Variants in GCM1 observed in about 807,000 individuals in gnomAD.
GCM1 encodes the protein GCM transcription factor 1, also known as chorion-specific transcription factor GCMa.
GCM1 carries 2 observed loss-of-function variants against 25.7 expected under a neutral mutation model. That is an observed-to-expected ratio of 0.08 (90% CI 0.03 to 0.24). The LOEUF is 0.24. GCM1 is among the 10% of genes least tolerant of loss of function. GCM1 has a pLI of 1.00. For synonymous variants in GCM1, 183 were observed against 195.7 expected (o/e 0.94, Z 0.54); for missense variants, 395 against 538.7 (o/e 0.73, Z 2.64).
At chr6:53,145,047 C>T (rs564309491) in intron 2 of GCM1, among the ~76,000 whole-genome samples, 1 of 150,780 alleles carries the variant, frequency 6.6e-6, no homozygotes, top group African/African-American at 2.4e-5. Context: ...GAAGGCAAGG[C>T]AAGGCGAAGG....
In GCM1 at chr6:53,134,381, C is replaced by T; in HGVS notation, c.76-57G>A. 4 of 1,549,692 alleles carry T rather than the reference C, an allele frequency of 2.6e-6. No individual in the cohort carries two copies. The Admixed American group carries it at 6.8e-5, about 26-fold the overall frequency. On this transcript the variant is annotated intron_variant, in intron 2 of 5. Coordinates refer to ENST00000259803, the MANE Select transcript of GCM1 (RefSeq NM_003643.4). ...TTAAGCTAGAAAACACAGCTGTCAC[C>T]CACTGTGGAGTGAGTAGATAGGAAG... is the stretch of plus-strand genomic sequence containing the variant.
intron 2 of GCM1, among the ~76,000 whole-genome samples, chr6:53,139,321 C>T (rs1763841866): frequency 6.6e-6 from 1 of 151,788 alleles, no homozygotes; most frequent in Non-Finnish European, 1.5e-5. Flanking sequence ...CAAGTGTTAC[C>T]AAGGAAAAAA....
chr6:53,148,645 A>C (rs538317608), intron 1 of GCM1, 109 bp downstream of exon 1: 3 of 152,328 alleles, frequency 2.0e-5, no homozygotes, highest in Non-Finnish European at 4.4e-5. Flanking sequence ...TTCAATTTTC[A>C]TCATTTCTAC....
intron 2 of GCM1, among the ~76,000 whole-genome samples, chr6:53,141,737 T>C (rs1248398983): frequency 6.7e-6 from 1 of 149,126 alleles, no homozygotes; most frequent in East Asian, 2.0e-4. Flanking sequence ...GGTGCAATGG[T>C]TCATGCCTGT....
chr6:53,135,517 C>T (rs1763785367), intron 2 of GCM1, among the ~76,000 whole-genome samples: 1 of 152,230 alleles, frequency 6.6e-6, no homozygotes, highest in African/African-American at 2.4e-5. Context: ...TTGTTAGTCA[C>T]TGATGCTGTG....
chr6:53,129,874 T>C (rs1763700345), intron 5 of GCM1, among the ~76,000 whole-genome samples: 1 of 152,140 alleles, frequency 6.6e-6, no homozygotes, highest in Non-Finnish European at 1.5e-5. Context: ...GGAGGAGGTA[T>C]ATTGTTCTTT....
chr6:53,142,870 C>CAAAAAAAAAA (rs60718730), intron 2 of GCM1, among the ~76,000 whole-genome samples: 12 of 37,536 alleles, frequency 3.2e-4, no homozygotes, highest in South Asian at 1.3e-3. Context: ...CAAGGATCTC[C>CAAAAAAAAAA]AAAAAAAAAA....
At chr6:53,142,239 T>C (rs1164837005) in intron 2 of GCM1, among the ~76,000 whole-genome samples, 2 of 152,106 alleles carry the variant, frequency 1.3e-5, no homozygotes, top group Non-Finnish European at 2.9e-5. Context: ...GAGAAATTTA[T>C]AATCATAACA....
chr6:53,133,959 A>G (rs1168162257), intron 3 of GCM1, 113 bp downstream of exon 3: 6 of 1,054,984 alleles, frequency 5.7e-6, no homozygotes, highest in Non-Finnish European at 6.9e-6. Flanking sequence ...GGCTGCCACT[A>G]CACTCCAGGG....
intron 3 of GCM1, among the ~76,000 whole-genome samples, chr6:53,133,018 G>T (rs1451783245): frequency 6.6e-6 from 1 of 152,210 alleles, no homozygotes; most frequent in Non-Finnish European, 1.5e-5. Flanking sequence ...GAATGGAATT[G>T]AGTCTAACCT....
intron 5 of GCM1, among the ~76,000 whole-genome samples, chr6:53,130,423 C>T (rs1458655800): frequency 6.6e-6 from 1 of 151,912 alleles, no homozygotes; most frequent in Non-Finnish European, 1.5e-5. Context: ...TGTTTGGGGA[C>T]GTATGGAAAT....
At position 53,128,353 on chromosome 6, in the gene GCM1, G is replaced by T; in HGVS notation, c.1164C>A (p.Pro388=). The change falls in exon 6 of 6, where the codon CCC becomes CCA. Residue 388 remains proline (P), a synonymous_variant. Transcript: ENST00000259803. ...SPAYHSPQED[P]FLFTYASHPH... ...GATGAGAGGCGTAGGTGAAGAGAAA[G>T]GGGTCTTCTTGAGGTGAATGGTATG... 1.2e-6 allele frequency: 2 copies of T among 1,614,008 alleles called. No individual in the cohort carries two copies. The highest frequency in any genetic ancestry group is 1.7e-6 in the Non-Finnish European group (2 of 1,179,880).
Position 53,128,728 on chromosome 6 carries a change from A to G in GCM1, c.789T>C (p.Tyr263=). Residue 263 remains tyrosine, a synonymous_variant, in exon 6 of 6, where the codon TAT becomes TAC. Transcript: ENST00000259803. Reference sequence around the variant, plus strand: ...TGCTACTGGACAATTTGCGCTTTTCATAGAGCTTCATGGGGTCCACAGTGG... The same window carrying G: ...TGCTACTGGACAATTTGCGCTTTTCGTAGAGCTTCATGGGGTCCACAGTGG... ...QTSTVDPMKL[Y]EKRKLSSSRT... 3 of 1,614,122 alleles carry G rather than the reference A, an allele frequency of 1.9e-6. No individual in the cohort carries two copies. Among genetic ancestry groups the G allele is most frequent in the Non-Finnish European group, 2.5e-6 (3 of 1,179,954 alleles).
At chr6:53,147,621 G>C (rs147166232) in intron 1 of GCM1, among the ~76,000 whole-genome samples, 1 of 151,722 alleles carries the variant, frequency 6.6e-6, no homozygotes, top group Non-Finnish European at 1.5e-5. Flanking sequence ...TAGAGATGGG[G>C]TTTCACCATG....
rs544297737 is a variant in GCM1 at position 53,148,157 on chromosome 6, A to T, written c.-137+597T>A. ...GAAATGATGCCGCAAATTGACTCTA[A>T]TTCAAAGGACTTAAATAACAGGTAT... On this transcript the variant is annotated intron_variant, in intron 1 of 5. Coordinates refer to ENST00000259803, the MANE Select transcript of GCM1 (RefSeq NM_003643.4). 1.4e-3 allele frequency among the ~76,000 whole-genome samples: 210 copies of T among 152,350 alleles called. 1 individual carries two copies. Among genetic ancestry groups the T allele is most frequent in the African/African-American group, 5.0e-3 (206 of 41,592 alleles).
At chr6:53,145,880 A>T (rs1763947542) in intron 1 of GCM1, 112 bp from the exon 2 acceptor site, 1 of 423,614 alleles carries the variant, frequency 2.4e-6, no homozygotes, top group Non-Finnish European at 4.2e-6. Flanking sequence ...GTACCAACAT[A>T]CTAGTAAAAA....
At chr6:53,135,025 AC>A (rs1327220609) in intron 2 of GCM1, among the ~76,000 whole-genome samples, 4 of 152,204 alleles carry the variant, frequency 2.6e-5, no homozygotes, top group Non-Finnish European at 5.9e-5. Context: ...CGTGCCTCAA[AC>A]ATGACAAGGG....
At chr6:53,140,118 T>C (rs1241229904) in intron 2 of GCM1, among the ~76,000 whole-genome samples, 1 of 152,106 alleles carries the variant, frequency 6.6e-6, no homozygotes, top group Non-Finnish European at 1.5e-5. Context: ...CCAGTGATCA[T>C]GGGAGCCCAT....
chr6:53,142,989 T>C (rs1028873433), intron 2 of GCM1, among the ~76,000 whole-genome samples: 3 of 150,224 alleles, frequency 2.0e-5, no homozygotes, highest in African/African-American at 7.3e-5. Context: ...CTGGATATGC[T>C]CACACAATAT....
Sources: gnomAD v4.1 joint callset for allele counts (sites outside exome capture counted in the v4.1 genomes callset) on GRCh38, gnomAD v4.1.1 for gene constraint, MANE v1.5 for transcripts, NCBI Gene and HGNC (gene_info 2026-07-23, HGNC 2026-07-21) for gene names.